Variants in ASB3 observed in about 807,000 individuals in gnomAD.
ASB3 encodes the protein ankyrin repeat and SOCS box protein 3.
ASB3 carries 41 observed loss-of-function variants against 54.5 expected under a neutral mutation model. The ratio of observed to expected loss-of-function variants is 0.75; its 90% CI spans 0.59 to 0.98. The LOEUF is 0.98. ASB3 is among the 50% of genes least tolerant of loss of function. The probability of loss-of-function intolerance (pLI) is 0.00; values close to 1 mark genes in which losing one functional copy is unlikely to be tolerated. For synonymous variants in ASB3, 266 were observed against 221.2 expected (o/e 1.20, Z -1.80); for missense variants, 733 against 620.0 (o/e 1.18, Z -1.94).
chr2:53,726,679 CAT>C lies in ASB3; in HGVS notation c.604+2031_604+2032del, dbSNP rs917452912. ...ATATACACACACATATATATATACA[CAT>C]ATATATATATAGTTTTGTTTTGTTT... On this transcript the variant is annotated intron_variant, in intron 5 of 9. Coordinates refer to ENST00000263634, the MANE Select transcript of ASB3 (RefSeq NM_016115.5). 3.4e-3 allele frequency among the ~76,000 whole-genome samples: 515 copies of C among 150,220 alleles called. 1 individual carries two copies. Among genetic ancestry groups the C allele is most frequent in the African/African-American group, 0.012 (473 of 40,848 alleles).
intron 3 of ASB3, among the ~76,000 whole-genome samples, chr2:53,734,413 AC>A (rs924252439): frequency 2.6e-5 from 4 of 151,976 alleles, no homozygotes; most frequent in Admixed American, 2.0e-4. Context: ...CCACTGAACT[AC>A]CCCCAAAGAC....
At chr2:53,742,836 T>G (rs1325419072) in intron 3 of ASB3, among the ~76,000 whole-genome samples, 2 of 152,040 alleles carry the variant, frequency 1.3e-5, no homozygotes, top group East Asian at 3.8e-4. Flanking sequence ...GTAAACACGC[T>G]GGCCCAAGAA....
intron 3 of ASB3, among the ~76,000 whole-genome samples, chr2:53,745,223 G>C (rs919295159): frequency 9.2e-5 from 14 of 152,106 alleles, no homozygotes; most frequent in Non-Finnish European, 4.4e-5. Flanking sequence ...TGGAGCAAGG[G>C]GAAGGGAAAG....
chr2:53,770,507 A>G (rs1255836853), intron 1 of ASB3, among the ~76,000 whole-genome samples: 3 of 151,160 alleles, frequency 2.0e-5, no homozygotes, highest in Non-Finnish European at 3.0e-5. Context: ...TTAAAAAAAA[A>G]AAAAAAAAAA....
intron 7 of ASB3, among the ~76,000 whole-genome samples, chr2:53,708,658 A>C (rs1669924273): frequency 6.6e-6 from 1 of 152,238 alleles, no homozygotes; most frequent in Non-Finnish European, 1.5e-5. Flanking sequence ...ATAGTGAATA[A>C]AAGTAAAGGC....
chr2:53,676,683 C>T (rs1205856271), intron 9 of ASB3, among the ~76,000 whole-genome samples: 1 of 152,156 alleles, frequency 6.6e-6, no homozygotes, highest in Non-Finnish European at 1.5e-5. Flanking sequence ...TGATATCACC[C>T]AGAGCAATTT....
intron 9 of ASB3, among the ~76,000 whole-genome samples, chr2:53,674,605 C>G (rs1048249854): frequency 6.6e-6 from 1 of 152,138 alleles, no homozygotes; most frequent in South Asian, 2.1e-4. Context: ...CATCTTTAGC[C>G]TTCCCTCAGG....
chr2:53,759,303 T>C (rs1295689245), intron 2 of ASB3, among the ~76,000 whole-genome samples: 1 of 152,194 alleles, frequency 6.6e-6, no homozygotes, highest in African/African-American at 2.4e-5. Flanking sequence ...TATTCAATGA[T>C]GTCCACTATA....
intron 8 of ASB3, among the ~76,000 whole-genome samples, chr2:53,697,122 C>G (rs552434659): frequency 6.6e-6 from 1 of 152,328 alleles, no homozygotes; most frequent in East Asian, 1.9e-4. Flanking sequence ...AAAGTGACCT[C>G]TGGTCATCCT....
chr2:53,735,239 T>C (rs966039783), intron 3 of ASB3, among the ~76,000 whole-genome samples: 4 of 152,074 alleles, frequency 2.6e-5, no homozygotes, highest in African/African-American at 9.7e-5. Context: ...TCTCTATTAG[T>C]GAATTTGTTC....
chr2:53,764,772 T>C (rs1053396178), intron 2 of ASB3, among the ~76,000 whole-genome samples: 2 of 152,372 alleles, frequency 1.3e-5, no homozygotes, highest in Middle Eastern at 3.4e-3. Context: ...TGTAAAGAGA[T>C]GTGCAGTAGC....
chr2:53,731,139 C>T (rs1238784673), intron 3 of ASB3, among the ~76,000 whole-genome samples: 3 of 152,152 alleles, frequency 2.0e-5, no homozygotes, highest in Non-Finnish European at 2.9e-5. Flanking sequence ...TGGTGGCTCC[C>T]GCCTGTAATC....
At position 53,750,600 on chromosome 2, in the gene ASB3, T is replaced by C. The variant is rs951270040; in HGVS notation, c.355+183A>G. On this transcript the variant is annotated intron_variant, in intron 3 of 9. Transcript: ENST00000263634. The stretch of plus-strand genomic sequence containing the variant: ...AGTCCCAGAAGCTACCACCCAAGAA[T>C]AGAAAACAAGAGCAAAACCTTTAAA... Among the ~76,000 whole-genome samples, 9 of 152,150 alleles carry C rather than the reference T, an allele frequency of 5.9e-5. 1 individual carries two copies. The highest frequency in any genetic ancestry group is 1.9e-4 in the African/African-American group (8 of 41,544).
chr2:53,715,888 T>C (rs1670360852), intron 6 of ASB3, among the ~76,000 whole-genome samples: 1 of 152,146 alleles, frequency 6.6e-6, no homozygotes, highest in Non-Finnish European at 1.5e-5. Context: ...ATAGCAGCTA[T>C]AAAAAGTGCT....
At chr2:53,701,728 G>A (rs1669506842) in intron 7 of ASB3, among the ~76,000 whole-genome samples, 1 of 152,130 alleles carries the variant, frequency 6.6e-6, no homozygotes, top group Non-Finnish European at 1.5e-5. Flanking sequence ...TATGCTCAAT[G>A]TTTTTATTCA....
intron 5 of ASB3, among the ~76,000 whole-genome samples, chr2:53,727,839 T>C (rs1201878924): frequency 6.6e-6 from 1 of 152,070 alleles, no homozygotes; most frequent in Admixed American, 6.5e-5. Context: ...AATTCTCATG[T>C]CTCAGCTTCC....
Position 53,767,984 on chromosome 2 carries a change from G to A in ASB3, c.-13-2399C>T, listed in dbSNP as rs141646042. 62 of 1,613,804 alleles carry A rather than the reference G, an allele frequency of 3.8e-5. 1 individual carries two copies. The highest frequency in any genetic ancestry group is 1.6e-4 in the Middle Eastern group (1 of 6,082). ...ATCACCAACTACAGCAGGCGCTTCT[G>A]GCAGGGCAGCACGGACCACCGCGGG... On this transcript the variant is annotated intron_variant, in intron 1 of 9. Transcript: ENST00000263634.
intron 7 of ASB3, among the ~76,000 whole-genome samples, chr2:53,712,750 A>G (rs1420578736): frequency 6.6e-6 from 1 of 151,336 alleles, no homozygotes; most frequent in Non-Finnish European, 1.5e-5. Flanking sequence ...TATTGAACAC[A>G]CACACACACA....
At chr2:53,693,845 A>ACTTTTGTTTAT in intron 9 of ASB3, 39 bp downstream of exon 9, 1 of 1,591,612 alleles carries the variant, frequency 6.3e-7, no homozygotes, top group Non-Finnish European at 8.6e-7. Flanking sequence ...CAAGAGAAGG[A>ACTTTTGTTTAT]AAAGTAGTGA....
Sources: allele counts gnomAD v4.1 joint callset (sites outside exome capture counted in the v4.1 genomes callset), GRCh38; gene constraint gnomAD v4.1.1; transcripts MANE v1.5; gene names NCBI Gene and HGNC (gene_info 2026-07-23, HGNC 2026-07-21).